Variants in QKI observed in about 807,000 individuals in gnomAD.
The protein encoded by QKI is QKI, KH domain containing RNA binding.
QKI carries 10 observed loss-of-function variants against 39.0 expected under a neutral mutation model. The ratio of observed to expected loss-of-function variants is 0.26; its 90% CI spans 0.16 to 0.43. QKI has a LOEUF of 0.43. Among genes scored for constraint, QKI ranks in the 20% least tolerant of loss-of-function variants. The probability of loss-of-function intolerance (pLI) is 1.00; values close to 1 mark genes in which losing one functional copy is unlikely to be tolerated. For missense variants in QKI, 218 were observed against 428.0 expected, an observed-to-expected ratio of 0.51 and a Z score of 4.33; for synonymous variants, 204 against 155.4, an observed-to-expected ratio of 1.31 and a Z score of -2.33.
At chr6:163,563,958 G>T in intron 6 of QKI, 2 of 1,372,386 alleles carry the variant, frequency 1.5e-6, no homozygotes, top group South Asian at 1.9e-5. Context: ...GGGTAAATCT[G>T]TTGTGTACAT....
chr6:163,568,530 A>C (rs527702547), intron 7 of QKI: 640 of 983,096 alleles, frequency 6.5e-4, no homozygotes, highest in Non-Finnish European at 7.3e-4. Context: ...GTACTCGTAT[A>C]CTTATCACTG....
At chr6:163,507,659 G>C (rs1289932710) in intron 3 of QKI, among the ~76,000 whole-genome samples, 1 of 152,178 alleles carries the variant, frequency 6.6e-6, no homozygotes, top group East Asian at 1.9e-4. Context: ...TGTGAACTAA[G>C]ACCATAGTTG....
intron 5 of QKI, among the ~76,000 whole-genome samples, chr6:163,562,638 CTTT>C (rs2128250396): frequency 6.6e-6 from 1 of 152,132 alleles, no homozygotes; most frequent in South Asian, 2.1e-4. Flanking sequence ...AAGAGGATAG[CTTT>C]TTTATGTTTA....
At chr6:163,545,549 C>T (rs1196568064) in intron 4 of QKI, among the ~76,000 whole-genome samples, 4 of 152,108 alleles carry the variant, frequency 2.6e-5, no homozygotes, top group African/African-American at 7.2e-5. Context: ...TTAAACACAA[C>T]AGAGGGCTTT....
At chr6:163,540,049 G>GT (rs369927378) in intron 4 of QKI, among the ~76,000 whole-genome samples, 6,019 of 148,604 alleles carry the variant, frequency 0.041, 404 homozygotes, top group African/African-American at 0.14. Flanking sequence ...ATCTTGAACT[G>GT]TTTTTTTTTT....
intron 3 of QKI, among the ~76,000 whole-genome samples, chr6:163,501,319 G>T (rs1326848393): frequency 2.0e-5 from 3 of 151,450 alleles, no homozygotes; most frequent in South Asian, 2.1e-4. Context: ...TTGAGGCAGA[G>T]ATTTTTTTAG....
At position 163,566,815 on chromosome 6, in the gene QKI, T is replaced by C. The variant is rs2128251724; in HGVS notation, c.1009+20T>C. On this transcript the variant is annotated intron_variant, in intron 7 of 7. Transcript: ENST00000361752. Reference sequence around the variant, plus strand: ...ACCGAGGTTAGTTTAGTTCTGCAGTTCTTGTCTATAAGAAATGCGTTGGGT... The same window carrying C: ...ACCGAGGTTAGTTTAGTTCTGCAGTCCTTGTCTATAAGAAATGCGTTGGGT... 6.2e-7 allele frequency: 1 copy of C among 1,612,562 alleles called. No individual in the cohort carries two copies. The highest frequency in any genetic ancestry group is 2.2e-5 in the East Asian group (1 of 44,826).
At chr6:163,445,830 G>A (rs146972384) in intron 1 of QKI, among the ~76,000 whole-genome samples, 1,892 of 152,222 alleles carry the variant, frequency 0.012, 44 homozygotes, top group African/African-American at 0.043. Context: ...TAGCCAGGAT[G>A]GTCTCGATCT....
Position 163,494,652 on chromosome 6 carries a change from T to G in QKI, c.402+15756T>G, listed in dbSNP as rs560299904. Among the ~76,000 whole-genome samples the G allele has an allele frequency of 5.5e-4, 56 of 102,280 alleles. 2 individuals are homozygous for G. The South Asian group carries it at 0.01, about 18-fold the overall frequency. 67.1% of individuals were successfully genotyped at this position (102,280 alleles called of 152,430 possible). ...GGTCTGCTTAGTGTCACGTTTTGGG[T>G]TTTTTTTTTGTTTTTGTTGTTGTTG... On this transcript the variant is annotated intron_variant, in intron 3 of 7. Transcript: ENST00000361752.
At chr6:163,567,356 C>G (rs1783427182) in intron 7 of QKI, 1 of 985,156 alleles carries the variant, frequency 1.0e-6, no homozygotes, top group Non-Finnish European at 1.2e-6. Context: ...AGATAACTTT[C>G]ATGTAGTTGG....
chr6:163,489,827 T>C (rs1014807733), intron 3 of QKI, among the ~76,000 whole-genome samples: 2 of 152,192 alleles, frequency 1.3e-5, no homozygotes, highest in African/African-American at 4.8e-5. Flanking sequence ...CCACATATAA[T>C]TTTTATGTCT....
At chr6:163,422,644 C>T (rs1425027706) in intron 1 of QKI, among the ~76,000 whole-genome samples, 1 of 152,174 alleles carries the variant, frequency 6.6e-6, no homozygotes, top group Admixed American at 6.5e-5. Flanking sequence ...ACATAATGGT[C>T]ACAATGTAAG....
intron 2 of QKI, among the ~76,000 whole-genome samples, chr6:163,471,982 A>C (rs943210590): frequency 2.6e-5 from 4 of 152,136 alleles, no homozygotes; most frequent in African/African-American, 7.2e-5. Flanking sequence ...GCATCTCTAG[A>C]GATAATAAAG....
chr6:163,478,539 G>A (rs1389902842), intron 2 of QKI, among the ~76,000 whole-genome samples: 2 of 152,130 alleles, frequency 1.3e-5, no homozygotes, highest in South Asian at 4.2e-4. Context: ...TGTTCTAGCT[G>A]TATACTGTTC....
chr6:163,549,073 C>T (rs932113343), intron 4 of QKI, among the ~76,000 whole-genome samples: 4 of 152,166 alleles, frequency 2.6e-5, no homozygotes, highest in African/African-American at 9.7e-5. Flanking sequence ...CATAGTTCCA[C>T]ATGGCTGGGG....
intron 1 of QKI, among the ~76,000 whole-genome samples, chr6:163,445,615 CTTTT>C (rs771151149): frequency 3.0e-5 from 4 of 135,308 alleles, no homozygotes; most frequent in Admixed American, 7.5e-5. Flanking sequence ...GAGTATATGT[CTTTT>C]TTTTTTTTTT....
In QKI at chr6:163,456,323, A is replaced by G. The variant is rs541812259; in HGVS notation, c.285+902A>G. On this transcript the variant is annotated intron_variant, in intron 2 of 7. Transcript: ENST00000361752. ...TTTTCTCTCTCTCTGTCTCCCCTGAAGAATATAAGGTGTACATAAAATAAG... is the reference window on the plus strand; with the variant it reads ...TTTTCTCTCTCTCTGTCTCCCCTGAGGAATATAAGGTGTACATAAAATAAG... Among the ~76,000 whole-genome samples the G allele has an allele frequency of 3.9e-5, 6 of 152,204 alleles. No individual in the cohort carries two copies. The South Asian group carries it at 6.2e-4, about 16-fold the overall frequency.
At chr6:163,422,560 C>T (rs1788075091) in intron 1 of QKI, among the ~76,000 whole-genome samples, 1 of 152,132 alleles carries the variant, frequency 6.6e-6, no homozygotes, top group Non-Finnish European at 1.5e-5. Context: ...TACTGCGCTC[C>T]ACCTTGGGCA....
chr6:163,491,435 C>T (rs1231448425), intron 3 of QKI, among the ~76,000 whole-genome samples: 1 of 152,022 alleles, frequency 6.6e-6, no homozygotes, highest in African/African-American at 2.4e-5. Flanking sequence ...CCTGGTGTCC[C>T]TCCTCCTCTA....
Sources: gnomAD v4.1 joint callset for allele counts (sites outside exome capture counted in the v4.1 genomes callset) on GRCh38, gnomAD v4.1.1 for gene constraint, MANE v1.5 for transcripts, NCBI Gene and HGNC (gene_info 2026-07-23, HGNC 2026-07-21) for gene names.